AHI1: variants seen among roughly 807,000 people sequenced by gnomAD.
AHI1 encodes jouberin.
A neutral mutation model predicts 149.3 loss-of-function variants in AHI1; 123 were observed. The ratio of observed to expected loss-of-function variants is 0.82; its 90% CI spans 0.71 to 0.96. The LOEUF (loss-of-function observed/expected upper bound fraction) is 0.96, where lower values mean the gene tolerates loss of function less well. Among genes scored for constraint, AHI1 ranks in the 40% least tolerant of loss-of-function variants. The pLI, the probability that AHI1 is intolerant of heterozygous loss-of-function variation, is 0.00. For synonymous variants in AHI1, 475 were observed against 459.8 expected (o/e 1.03, Z -0.42); for missense variants, 1,439 against 1,422.7 (o/e 1.01, Z -0.18).
intron 24 of AHI1, among the ~76,000 whole-genome samples, chr6:135,332,430 C>T (rs939156736): frequency 6.6e-6 from 1 of 152,204 alleles, no homozygotes; most frequent in African/African-American, 2.4e-5. Context: ...ATTAACCCCA[C>T]TATCAAGGTG....
At position 135,394,809 on chromosome 6, in the gene AHI1, C is replaced by T. The variant is rs1054804025; in HGVS notation, c.3076G>A (p.Glu1026Lys). 8.4e-5 allele frequency: 136 copies of T among 1,609,670 alleles called. No individual in the cohort carries two copies. The highest frequency in any genetic ancestry group is 1.1e-4 in the Non-Finnish European group (135 of 1,177,742). The change falls in exon 23 of 29, where the codon GAG (glutamate) becomes AAG (lysine). Residue 1026 changes from glutamate to lysine, a missense_variant. Glu to Lys is a moderately conservative substitution (Grantham distance 56). Coordinates refer to ENST00000265602, the MANE Select transcript of AHI1 (RefSeq NM_001134831.2). ...GTGAAACCAAACTGATGTAGAATCT[C>T]TTGAGCGGTCAGCATGTTTGACTGC... is the stretch of plus-strand genomic sequence containing the variant. ...LKQSNMLTAQ[E>K]ILHQFGFTQT...
At chr6:135,302,923 G>T in intron 26 of AHI1, 1 of 705,624 alleles carries the variant, frequency 1.4e-6, no homozygotes, top group Non-Finnish European at 2.0e-6. Flanking sequence ...ACACACACTT[G>T]TTAGAAAGTT....
At chr6:135,484,384 T>G (rs1455412242) in intron 5 of AHI1, among the ~76,000 whole-genome samples, 3 of 152,200 alleles carry the variant, frequency 2.0e-5, no homozygotes, top group Admixed American at 2.0e-4. Flanking sequence ...AATACCTTTT[T>G]GATAAGCAAA....
chr6:135,449,463 T>C (rs1787759094), intron 11 of AHI1, among the ~76,000 whole-genome samples: 1 of 152,224 alleles, frequency 6.6e-6, no homozygotes, highest in Admixed American at 6.5e-5. Flanking sequence ...CCTTTATGTC[T>C]TCTGCAAATT....
chr6:135,492,119 G>T, intron 4 of AHI1, 109 bp downstream of exon 4: 1 of 702,452 alleles, frequency 1.4e-6, no homozygotes, highest in South Asian at 3.3e-5. Context: ...TTTGGTCAAT[G>T]ACATCTACTG....
At chr6:135,399,961 T>A (rs1464550425) in intron 22 of AHI1, among the ~76,000 whole-genome samples, 1 of 152,052 alleles carries the variant, frequency 6.6e-6, no homozygotes, top group Non-Finnish European at 1.5e-5. Context: ...GGTAAACTCG[T>A]GTCACAGGGA....
At chr6:135,360,048 G>A (rs1367051649) in intron 23 of AHI1, among the ~76,000 whole-genome samples, 2 of 152,004 alleles carry the variant, frequency 1.3e-5, no homozygotes, top group Non-Finnish European at 2.9e-5. Flanking sequence ...ATACAATCAT[G>A]CATGTTTGTT....
intron 24 of AHI1, among the ~76,000 whole-genome samples, chr6:135,343,761 T>C (rs371836825): frequency 2.6e-5 from 4 of 151,936 alleles, no homozygotes; most frequent in East Asian, 3.9e-4. Flanking sequence ...TCAAACTGGA[T>C]TACAGACCTT....
At chr6:135,415,057 T>C (rs1053252740) in intron 20 of AHI1, among the ~76,000 whole-genome samples, 2 of 146,350 alleles carry the variant, frequency 1.4e-5, no homozygotes, top group Admixed American at 7.1e-5. Context: ...AGTGAGAACA[T>C]GTGGTGTTTG....
chr6:135,382,885 C>A (rs1486103069), intron 23 of AHI1, among the ~76,000 whole-genome samples: 1 of 33,734 alleles, frequency 3.0e-5, no homozygotes, highest in Non-Finnish European at 5.5e-5. Context: ...CCATCCTAAG[C>A]AAAATTAGTA....
intron 5 of AHI1, among the ~76,000 whole-genome samples, chr6:135,484,013 A>T (rs1176151188): frequency 1.0e-3 from 152 of 152,172 alleles, no homozygotes; most frequent in African/African-American, 3.4e-3. Context: ...TAATGGACTT[A>T]AAGTTCCACA....
At chr6:135,445,143 A>G (rs781770459) in intron 13 of AHI1, among the ~76,000 whole-genome samples, 1 of 152,252 alleles carries the variant, frequency 6.6e-6, no homozygotes, top group African/African-American at 2.4e-5. Context: ...TTTAAAATGT[A>G]TCTGTAAAAT....
At chr6:135,295,827 G>A (rs76247756) in intron 27 of AHI1, among the ~76,000 whole-genome samples, 2,733 of 152,130 alleles carry the variant, frequency 0.018, 102 homozygotes, top group African/African-American at 0.063. Context: ...TACCCATGTC[G>A]AAACTTAAAC....
chr6:135,465,334 T>A (rs985172091), intron 7 of AHI1, among the ~76,000 whole-genome samples: 1 of 152,220 alleles, frequency 6.6e-6, no homozygotes, highest in Non-Finnish European at 1.5e-5. Context: ...GAGAAAAAGA[T>A]TAGAATACCA....
intron 14 of AHI1, among the ~76,000 whole-genome samples, chr6:135,440,269 A>C (rs1316419871): frequency 1.3e-5 from 2 of 152,164 alleles, no homozygotes; most frequent in African/African-American, 4.8e-5. Context: ...ATGCTCTGGG[A>C]GGACAGCCCT....
At chr6:135,293,406 G>GAAAAAAAAAAAAAAAAAAAAAAAAAAAAA (rs71547029) in intron 27 of AHI1, among the ~76,000 whole-genome samples, 2 of 65,598 alleles carry the variant, frequency 3.0e-5, no homozygotes, top group Non-Finnish European at 2.7e-5. Flanking sequence ...AAAAAAAAAA[G>GAAAAAAAAAAAAAAAAAAAAAAAAAAAAA]AAAAAAAAAA....
chr6:135,349,565 C>T (rs968052920), intron 24 of AHI1, among the ~76,000 whole-genome samples: 2 of 152,172 alleles, frequency 1.3e-5, no homozygotes, highest in Non-Finnish European at 2.9e-5. Context: ...AACAACTAAC[C>T]TATGCCCACT....
At chr6:135,389,395 A>G (rs1778134306) in intron 23 of AHI1, among the ~76,000 whole-genome samples, 1 of 152,158 alleles carries the variant, frequency 6.6e-6, no homozygotes, top group South Asian at 2.1e-4. Context: ...TCTCTTAACC[A>G]ATACCACAGT....
rs568417648 is a variant in AHI1, at chr6:135,358,595, C to G, written c.3110-408G>C. ...GTGAATCACTACTGTCTTATTTTCTCAAAAGAATAAATAAATCCATCTGAA... is the reference window on the plus strand; with the variant it reads ...GTGAATCACTACTGTCTTATTTTCTGAAAAGAATAAATAAATCCATCTGAA... On this transcript the variant is annotated intron_variant, in intron 23 of 28. Coordinates refer to ENST00000265602, the MANE Select transcript of AHI1 (RefSeq NM_001134831.2). Among the ~76,000 whole-genome samples the G allele has an allele frequency of 1.1e-4, 17 of 152,254 alleles. No homozygotes were observed. The East Asian group carries it at 3.3e-3, about 29-fold the overall frequency.
Sources: gnomAD v4.1 joint callset for allele counts (sites outside exome capture counted in the v4.1 genomes callset) on GRCh38, gnomAD v4.1.1 for gene constraint, MANE v1.5 for transcripts, NCBI Gene and HGNC (gene_info 2026-07-23, HGNC 2026-07-21) for gene names.